The following STIM2 variants were observed in gnomAD, a reference collection of about 807,000 sequenced individuals.
The protein encoded by STIM2 is stromal interaction molecule 2.
Under a neutral mutation model 85.8 loss-of-function variants are expected in STIM2, and 31 were observed. The observed-to-expected ratio is 0.36, with a 90% CI of 0.27 to 0.49. The LOEUF (loss-of-function observed/expected upper bound fraction) is 0.49, where lower values mean the gene tolerates loss of function less well. STIM2 is among the 20% of genes least tolerant of loss of function. The pLI is 0.98. For missense variants in STIM2, 841 were observed against 927.6 expected (o/e 0.91, Z 1.21); for synonymous variants, 356 against 331.1 (o/e 1.08, Z -0.82).
At chr4:26,886,058 A>G (rs1047924144) in intron 1 of STIM2, among the ~76,000 whole-genome samples, 1 of 151,824 alleles carries the variant, frequency 6.6e-6, no homozygotes, top group East Asian at 1.9e-4. Context: ...AGTTGTGGCT[A>G]TGTGAGCTCA....
intron 11 of STIM2, chr4:27,019,741 A>C: frequency 3.3e-6 from 1 of 304,426 alleles, no homozygotes; most frequent in South Asian, 3.0e-5. Context: ...CCTTATGCAC[A>C]TATATGCTCA....
chr4:26,898,947 T>G (rs1577424743), intron 1 of STIM2, among the ~76,000 whole-genome samples: 1 of 145,484 alleles, frequency 6.9e-6, no homozygotes, highest in Non-Finnish European at 1.5e-5. Context: ...CAAATGACAG[T>G]TTTTTTTTTA....
rs2109417149 is a variant in STIM2, at chr4:26,860,968, C to G, written c.-251C>G. The G allele has an allele frequency of 7.9e-7, 1 of 1,271,892 alleles. No homozygotes were observed. Among genetic ancestry groups the G allele is most frequent in the Non-Finnish European group, 1.0e-6 (1 of 997,236 alleles). The allele number at this position is 1,271,892 out of a possible 1,614,324, so 78.8% of individuals were successfully genotyped here. Reference sequence around the variant, plus strand: ...AAATAACCGGAACCAATGAACGCAGCCGGGATCAGAGCTCCGGAGGCCGCC... The same window carrying G: ...AAATAACCGGAACCAATGAACGCAGGCGGGATCAGAGCTCCGGAGGCCGCC... On this transcript the variant is annotated 5_prime_UTR_variant, in exon 1 of 12. Coordinates refer to ENST00000467087, the MANE Select transcript of STIM2 (RefSeq NM_020860.4).
chr4:26,940,042 G>C lies in STIM2; in HGVS notation c.283-17570G>C, dbSNP rs1330747439. ...GTAGAGTCGTTAAGACGAACTTTGT[G>C]AAATGGGAATAGTTTTCATGGGTTT... is the stretch of plus-strand genomic sequence containing the variant. On this transcript the variant is annotated intron_variant, in intron 2 of 11. Transcript: ENST00000467087. Among the ~76,000 whole-genome samples the C allele has an allele frequency of 3.9e-5, 6 of 152,190 alleles. 1 individual carries two copies. The South Asian group carries it at 1.2e-3, about 32-fold the overall frequency.
At chr4:26,946,336 A>G (rs775135441) in intron 2 of STIM2, among the ~76,000 whole-genome samples, 25 of 152,262 alleles carry the variant, frequency 1.6e-4, no homozygotes, top group Non-Finnish European at 1.2e-4. Flanking sequence ...AGAAGAAAAT[A>G]TAGGTGATTA....
rs56851120 is a variant in STIM2, at chr4:26,885,821, TTATATATATATATATATATA to T, written c.151+24486_151+24505del. On this transcript the variant is annotated intron_variant, in intron 1 of 11. Coordinates refer to ENST00000467087, the MANE Select transcript of STIM2 (RefSeq NM_020860.4). Reference sequence around the variant, plus strand: ...ATGAAGCCAAATTTAGCACCTCAGGTTATATATATATATATATATATATATATATATATATATATATATAT... The same window carrying T: ...ATGAAGCCAAATTTAGCACCTCAGGTTATATATATATATATATATATATAT... 6.5e-3 allele frequency among the ~76,000 whole-genome samples: 550 copies of T among 84,640 alleles called. 16 individuals are homozygous for T. The highest frequency in any genetic ancestry group is 0.014 in the Middle Eastern group (2 of 140). 55.5% of individuals were successfully genotyped at this position (84,640 alleles called of 152,430 possible).
chr4:26,861,432 A>G (rs1037731831), intron 1 of STIM2, 63 bp downstream of exon 1: 54 of 1,255,692 alleles, frequency 4.3e-5, no homozygotes, highest in Non-Finnish European at 5.3e-5. Flanking sequence ...CAACCCGTGC[A>G]GAGGTCAGCA....
In STIM2 at chr4:26,938,299, T is replaced by A. The variant is rs1438785578; in HGVS notation, c.282+18665T>A. On this transcript the variant is annotated intron_variant, in intron 2 of 11. Coordinates refer to ENST00000467087, the MANE Select transcript of STIM2 (RefSeq NM_020860.4). ...TTTGATATCTTTATACATTGTGAAA[T>A]GATTATTATCGCAGTCTTATCACCT... Among the ~76,000 whole-genome samples, 3 of 152,142 alleles carry A rather than the reference T, an allele frequency of 2.0e-5. No individual in the cohort carries two copies. In the East Asian group the frequency reaches 5.8e-4, roughly 29 times the overall value.
intron 3 of STIM2, among the ~76,000 whole-genome samples, chr4:26,976,083 C>T (rs1288856682): frequency 2.0e-5 from 3 of 152,220 alleles, no homozygotes; most frequent in Admixed American, 1.3e-4. Flanking sequence ...TCCTTGTCTG[C>T]TGGTTGCTAA....
At chr4:26,980,843 TAAAC>T (rs1171320136) in intron 3 of STIM2, among the ~76,000 whole-genome samples, 1 of 152,222 alleles carries the variant, frequency 6.6e-6, no homozygotes, top group Non-Finnish European at 1.5e-5. Flanking sequence ...TTTTGCTAGA[TAAAC>T]ATCTTAAATC....
At chr4:26,869,596 A>G (rs1424575632) in intron 1 of STIM2, among the ~76,000 whole-genome samples, 1 of 151,994 alleles carries the variant, frequency 6.6e-6, no homozygotes, top group Non-Finnish European at 1.5e-5. Flanking sequence ...TGACATGATC[A>G]TAGCTCACTG....
chr4:27,005,648 A>C (rs1301775495), intron 7 of STIM2, among the ~76,000 whole-genome samples: 1 of 152,252 alleles, frequency 6.6e-6, no homozygotes, highest in African/African-American at 2.4e-5. Flanking sequence ...TTTAGATCAA[A>C]TGAAACATTC....
chr4:26,929,108 A>T (rs1303394030), intron 2 of STIM2, among the ~76,000 whole-genome samples: 1 of 152,168 alleles, frequency 6.6e-6, no homozygotes, highest in East Asian at 1.9e-4. Flanking sequence ...AATAATATTA[A>T]ATATCTAATT....
At position 26,861,331 on chromosome 4, in the gene STIM2, C is replaced by A; in HGVS notation, c.113C>A (p.Pro38His). 2 of 1,383,822 alleles carry A rather than the reference C, an allele frequency of 1.4e-6. No individual in the cohort carries two copies. Among genetic ancestry groups the A allele is most frequent in the African/African-American group, 3.0e-5 (2 of 65,948 alleles). 85.7% of individuals were successfully genotyped at this position (1,383,822 alleles called of 1,614,324 possible). Residue 38 changes from proline to histidine, a missense_variant, in exon 1 of 12, where the codon CCC becomes CAC. By Grantham distance (77) the Pro-to-His change is moderately conservative. Around this residue, in one of 3 missense-constraint regions of STIM2, gnomAD observed 140 missense variants for 117.7 expected, o/e 1.19. Transcript: ENST00000467087. ...TCTGCCGCAACTGCCGCCTCCTCTC[C>A]CGCCGCGGCGGCCGGCGATAGCCCG...
chr4:26,995,624 A>G (rs2109125729), intron 4 of STIM2, 134 bp downstream of exon 4: 2 of 397,854 alleles, frequency 5.0e-6, no homozygotes, highest in Non-Finnish European at 8.9e-6. Context: ...CCATTCTTTA[A>G]TCTTTCTAAA....
intron 2 of STIM2, among the ~76,000 whole-genome samples, chr4:26,942,308 TCTCTC>T (rs1725639618): frequency 1.3e-5 from 2 of 152,152 alleles, no homozygotes; most frequent in African/African-American, 4.8e-5. Context: ...TTGCAATTTT[TCTCTC>T]CTCAGCAACC....
At chr4:26,875,987 C>A (rs1005887349) in intron 1 of STIM2, among the ~76,000 whole-genome samples, 1 of 151,962 alleles carries the variant, frequency 6.6e-6, no homozygotes, top group Non-Finnish European at 1.5e-5. Context: ...TTTGAAAAAC[C>A]ATTTTCGCTT....
At chr4:26,999,453 C>A in intron 5 of STIM2, 106 bp downstream of exon 5, 1 of 472,726 alleles carries the variant, frequency 2.1e-6, no homozygotes, top group African/African-American at 2.0e-5. Context: ...TAAGAAGAAT[C>A]ATCTATTACC....
At chr4:26,934,626 G>A (rs1216020384) in intron 2 of STIM2, among the ~76,000 whole-genome samples, 1 of 152,098 alleles carries the variant, frequency 6.6e-6, no homozygotes, top group Non-Finnish European at 1.5e-5. Context: ...TATAAGAATA[G>A]AACAAGGCTA....
Sources: gnomAD v4.1 joint callset for allele counts (sites outside exome capture counted in the v4.1 genomes callset) on GRCh38, gnomAD v4.1.1 for gene constraint, gnomAD v4.1.1 regional missense constraint, MANE v1.5 for transcripts, NCBI Gene and HGNC (gene_info 2026-07-23, HGNC 2026-07-21) for gene names.